Variants in AKNA observed in about 807,000 individuals in gnomAD.
AKNA encodes AT-hook transcription factor.
A neutral mutation model predicts 138.8 loss-of-function variants in AKNA; 67 were observed. The ratio of observed to expected loss-of-function variants is 0.48; its 90% CI spans 0.40 to 0.59. The LOEUF (loss-of-function observed/expected upper bound fraction) is 0.59. AKNA is among the 20% of genes least tolerant of loss of function. The probability of loss-of-function intolerance (pLI) is 0.00; values close to 1 mark genes in which losing one functional copy is unlikely to be tolerated. For synonymous variants in AKNA, 737 were observed against 754.4 expected, an observed-to-expected ratio of 0.98 and a Z score of 0.38; for missense variants, 1,813 against 1,880.4, an observed-to-expected ratio of 0.96 and a Z score of 0.66.
downstream of AKNA, chr9:114,332,046 T>G: frequency 2.7e-6 from 2 of 752,834 alleles, no homozygotes; most frequent in Non-Finnish European, 4.4e-6. Context: ...GATCTTCTGC[T>G]TTTAGGCACC....
chr9:114,377,471 G>A lies in AKNA; in HGVS notation c.336C>T (p.Pro112=). 2 of 1,613,276 alleles carry A rather than the reference G, an allele frequency of 1.2e-6. No homozygotes were observed. Among genetic ancestry groups the A allele is most frequent in the Non-Finnish European group, 1.7e-6 (2 of 1,179,792 alleles). ...TCATGTCCAGCTGACGGCCCTGCTG[G>A]GGGAGCCAGGCAAGAGGCTCATGGG... ...ASSHEPLAWL[P]QQGRQLDMTE... Residue 112 remains proline, a synonymous_variant, in exon 3 of 22, where the codon CCC becomes CCT. Transcript: ENST00000374088.
In AKNA at chr9:114,336,033, T is replaced by G. The variant is rs980977524; in HGVS notation, c.*1021A>C. 6.6e-6 allele frequency: 1 copy of G among 152,254 alleles called. No homozygotes were observed. Among genetic ancestry groups the G allele is most frequent in the Admixed American group, 6.5e-5 (1 of 15,282 alleles). The allele number at this position is 152,254 out of a possible 1,614,324, so 9.4% of individuals were successfully genotyped here. A position where few individuals can be genotyped will look rare whatever the true frequency, so the allele number is the denominator to read the frequency against. ...GGAGGCAGGCAGAGCACCCAACAGGTCCCCTGGGAAAGGGCTTGGCTGGGC... is the reference window on the plus strand; with the variant it reads ...GGAGGCAGGCAGAGCACCCAACAGGGCCCCTGGGAAAGGGCTTGGCTGGGC... On this transcript the variant is annotated 3_prime_UTR_variant, in exon 22 of 22. Coordinates refer to ENST00000374088, the MANE Select transcript of AKNA (RefSeq NM_001317950.2).
At chr9:114,392,104 CAAAAAA>C (rs61619495), upstream of AKNA, among the ~76,000 whole-genome samples, 1 of 86,612 alleles carries the variant, frequency 1.2e-5, no homozygotes, top group Non-Finnish European at 2.2e-5. Flanking sequence ...AGACGCTTGT[CAAAAAA>C]AAAAAAAAAA....
At position 114,376,589 on chromosome 9, in the gene AKNA, C is replaced by A; in HGVS notation, c.1218G>T (p.Glu406Asp). 1 of 1,614,162 alleles carries A rather than the reference C, an allele frequency of 6.2e-7. No homozygotes were observed. The change falls in exon 3 of 22, where the codon GAG (glutamate) becomes GAT (aspartate). Residue 406 changes from glutamate (E) to aspartate (D), a missense_variant. Coordinates refer to ENST00000374088, the MANE Select transcript of AKNA (RefSeq NM_001317950.2). ...IFKSPAEIVQ[E>D]VLLSSGEAAL... The stretch of plus-strand genomic sequence containing the variant: ...CTGCTTCTCCACTGCTCAACAGCAC[C>A]TCCTGCACAATCTCAGCTGGAGACT...
chr9:114,389,574 T>C (rs1834257553), upstream of AKNA, among the ~76,000 whole-genome samples: 1 of 152,154 alleles, frequency 6.6e-6, no homozygotes, highest in African/African-American at 2.4e-5. Context: ...CCACAGGGGC[T>C]GCTATAAAGA....
chr9:114,346,904 G>A (rs990225106), intron 16 of AKNA, 120 bp from the exon 17 acceptor site: 1 of 816,190 alleles, frequency 1.2e-6, no homozygotes. Flanking sequence ...AGAGAGTATA[G>A]AAGTCAAAGC....
At chr9:114,370,276 A>T (rs1055412948) in intron 4 of AKNA, among the ~76,000 whole-genome samples, 1 of 151,802 alleles carries the variant, frequency 6.6e-6, no homozygotes, top group Non-Finnish European at 1.5e-5. Flanking sequence ...ATCTGCTCAG[A>T]CTCCCCTGTG....
chr9:114,351,065 G>C, intron 14 of AKNA, 44 bp from the exon 15 acceptor site: 3 of 1,584,022 alleles, frequency 1.9e-6, no homozygotes, highest in East Asian at 2.3e-5. Context: ...TAAGCAGAGA[G>C]AACTTCCAAG....
At chr9:114,387,737 C>T (rs1045307485) in intron 1 of AKNA, 123 bp downstream of exon 1, 1 of 229,292 alleles carries the variant, frequency 4.4e-6, no homozygotes, top group African/African-American at 2.3e-5. Flanking sequence ...AGCGGTGCAG[C>T]TCCAGCAGCT....
intron 4 of AKNA, among the ~76,000 whole-genome samples, chr9:114,373,414 T>G (rs1589009954): frequency 6.6e-6 from 1 of 152,166 alleles, no homozygotes; most frequent in Non-Finnish European, 1.5e-5. Context: ...CCAGGAAGAT[T>G]CAGGCCCAAA....
chr9:114,388,707 C>T (rs546263470), upstream of AKNA, among the ~76,000 whole-genome samples: 41 of 152,340 alleles, frequency 2.7e-4, no homozygotes, highest in African/African-American at 8.4e-4. Context: ...TTCCTTCATT[C>T]GTAGGTACTC....
At chr9:114,362,708 T>C (rs1230952125) in intron 7 of AKNA, among the ~76,000 whole-genome samples, 175 bp from the exon 8 acceptor site, 1 of 152,212 alleles carries the variant, frequency 6.6e-6, no homozygotes, top group Non-Finnish European at 1.5e-5. Context: ...CCTGGAGAGC[T>C]GCCGTGGTCA....
upstream of AKNA, among the ~76,000 whole-genome samples, chr9:114,388,289 G>C (rs1435997386): frequency 6.6e-6 from 1 of 152,246 alleles, no homozygotes; most frequent in Non-Finnish European, 1.5e-5. Flanking sequence ...GAGAAGGTCA[G>C]AGGCTTGGCC....
chr9:114,389,041 G>A (rs1693608760), upstream of AKNA, among the ~76,000 whole-genome samples: 1 of 152,104 alleles, frequency 6.6e-6, no homozygotes, highest in Admixed American at 6.5e-5. Flanking sequence ...GTTATAGGAC[G>A]GTCAGGAAGG....
At chr9:114,360,368 G>C (rs906074412) in intron 9 of AKNA, among the ~76,000 whole-genome samples, 1 of 152,122 alleles carries the variant, frequency 6.6e-6, no homozygotes, top group Admixed American at 6.5e-5. Context: ...ACGCTCAAAT[G>C]ATTTGCCCAA....
Position 114,381,121 on chromosome 9 carries a change from C to T in AKNA, c.213G>A (p.Trp71Ter). 9 of 1,611,640 alleles carry T rather than the reference C, an allele frequency of 5.6e-6. No homozygotes were observed. Among genetic ancestry groups the T allele is most frequent in the Non-Finnish European group, 7.6e-6 (9 of 1,179,114 alleles). The change falls in exon 2 of 22, where the codon TGG becomes TGA. Residue 71 changes from tryptophan (W) to a stop codon, truncating the protein, a stop_gained. Coordinates refer to ENST00000374088, the MANE Select transcript of AKNA (RefSeq NM_001317950.2). LOFTEE classifies it high-confidence loss of function. The part of the protein sequence containing the change: ...LAQQHLPPLE[W>*]DPHPQPDGHQ... Reference sequence around the variant, plus strand: ...GCCCATCGGGCTGCGGGTGTGGGTCCCACTCCAGGGGCGGCAGGTGCTGCT... The same window carrying T: ...GCCCATCGGGCTGCGGGTGTGGGTCTCACTCCAGGGGCGGCAGGTGCTGCT...
chr9:114,383,223 G>C (rs1833814279), intron 1 of AKNA: 1 of 456,044 alleles, frequency 2.2e-6, no homozygotes, highest in Non-Finnish European at 4.4e-6. Flanking sequence ...GGCTGCTGCA[G>C]GAACAGGGTA....
At chr9:114,342,859 GATGAATGA>G (rs149365711) in intron 19 of AKNA, among the ~76,000 whole-genome samples, 1,805 of 151,980 alleles carry the variant, frequency 0.012, 25 homozygotes, top group African/African-American at 0.041. Flanking sequence ...AGGGGTAAGT[GATGAATGA>G]ATGAATGAAT....
At chr9:114,362,289 A>T (rs1190455372) in intron 8 of AKNA, 117 bp downstream of exon 8, 11 of 1,365,348 alleles carry the variant, frequency 8.1e-6, no homozygotes, top group Non-Finnish European at 1.1e-5. Flanking sequence ...TTAGGATAAG[A>T]TTTCTCTCTA....
Sources: allele counts gnomAD v4.1 joint callset (sites outside exome capture counted in the v4.1 genomes callset), GRCh38; gene constraint gnomAD v4.1.1; transcripts MANE v1.5; gene names NCBI Gene and HGNC (gene_info 2026-07-23, HGNC 2026-07-21).